GOLGA7: variants seen among roughly 807,000 people sequenced by gnomAD.
The protein encoded by GOLGA7 is golgin subfamily A member 7.
A neutral mutation model predicts 21.1 loss-of-function variants in GOLGA7; 10 were observed. That is an observed-to-expected ratio of 0.47 (90% CI 0.29 to 0.80). The LOEUF (loss-of-function observed/expected upper bound fraction) is 0.80. Among genes scored for constraint, GOLGA7 ranks in the 30% least tolerant of loss-of-function variants. The pLI is 0.08. For missense variants in GOLGA7, 114 were observed against 166.8 expected (o/e 0.68, Z 1.74); for synonymous variants, 64 against 62.6 (o/e 1.02, Z -0.10).
chr8:41,504,168 A>G (rs1401711463), intron 2 of GOLGA7, among the ~76,000 whole-genome samples: 4 of 151,710 alleles, frequency 2.6e-5, no homozygotes, highest in African/African-American at 4.8e-5. Context: ...CTTGCCCAGC[A>G]AAGTTATGCT....
At chr8:41,500,974 T>A (rs1017275467) in intron 2 of GOLGA7, among the ~76,000 whole-genome samples, 1 of 152,236 alleles carries the variant, frequency 6.6e-6, no homozygotes, top group Non-Finnish European at 1.5e-5. Context: ...CTGGAATGAC[T>A]ATTTACAGAA....
intron 1 of GOLGA7, among the ~76,000 whole-genome samples, chr8:41,494,863 A>T (rs892088171): frequency 5.3e-5 from 8 of 152,128 alleles, no homozygotes; most frequent in African/African-American, 1.9e-4. Flanking sequence ...AATGACTACA[A>T]CTGCTTCTAA....
intron 2 of GOLGA7, among the ~76,000 whole-genome samples, chr8:41,504,124 AAAAAAAAAAAAACAAAACAAAAC>A (rs1806219267): frequency 1.8e-5 from 2 of 110,682 alleles, no homozygotes; most frequent in African/African-American, 8.1e-5. Flanking sequence ...GTATAATAAA[AAAAAAAAAAAAACAAAACAAAAC>A]AAAAAAAAAA....
chr8:41,492,337 T>A (rs934480708), intron 1 of GOLGA7, among the ~76,000 whole-genome samples: 1 of 152,216 alleles, frequency 6.6e-6, no homozygotes, highest in Non-Finnish European at 1.5e-5. Context: ...TAATTTAACA[T>A]CACAATTGAT....
In GOLGA7 at chr8:41,510,127, C is replaced by T. The variant is rs1374946381; in HGVS notation, c.*559C>T. On this transcript the variant is annotated 3_prime_UTR_variant, in exon 5 of 5. Coordinates refer to ENST00000357743, the MANE Select transcript of GOLGA7 (RefSeq NM_001002296.2). Reference sequence around the variant, plus strand: ...ACTCAAATCTTAAGATCTGTTTCTACTATTCAGTTCCTCAAACTGAAGCTT... The same window carrying T: ...ACTCAAATCTTAAGATCTGTTTCTATTATTCAGTTCCTCAAACTGAAGCTT... 1 of 152,490 alleles carries T rather than the reference C, an allele frequency of 6.6e-6. No homozygotes were observed. The highest frequency in any genetic ancestry group is 2.4e-5 in the African/African-American group (1 of 41,414). The allele number at this position is 152,490 out of a possible 1,614,324, so 9.4% of individuals were successfully genotyped here.
rs1310929938 is a variant in GOLGA7 at position 41,507,133 on chromosome 8, A to T, written c.*15+12A>T. 1.1e-6 allele frequency: 1 copy of T among 945,464 alleles called. No individual in the cohort carries two copies. Among genetic ancestry groups the T allele is most frequent in the Non-Finnish European group, 1.8e-6 (1 of 568,954 alleles). 58.6% of individuals were successfully genotyped at this position (945,464 alleles called of 1,614,324 possible). A position where few individuals can be genotyped will look rare whatever the true frequency, so the allele number is the denominator to read the frequency against. Reference sequence around the variant, plus strand: ...CCGAAGAATTAAAGGTAAATATGAAATGATATGGCTTGTATGCAGCTTTTG... The same window carrying T: ...CCGAAGAATTAAAGGTAAATATGAATTGATATGGCTTGTATGCAGCTTTTG... On this transcript the variant is annotated intron_variant, in intron 4 of 4. Transcript: ENST00000357743.
At chr8:41,496,022 A>G (rs1282340813) in intron 1 of GOLGA7, among the ~76,000 whole-genome samples, 2 of 152,170 alleles carry the variant, frequency 1.3e-5, no homozygotes, top group Non-Finnish European at 2.9e-5. Context: ...TTAGATTTTG[A>G]AATATTTGTT....
In GOLGA7 at chr8:41,509,259, C is replaced by G. The variant is rs543655024; in HGVS notation, c.*16-325C>G. On this transcript the variant is annotated intron_variant, in intron 4 of 4. Transcript: ENST00000357743. ...CCCTATGAGGTAGATATTGTTATCC[C>G]TGTTTTTCAGATGAGGAAGCCGAGG... 1.4e-4 allele frequency among the ~76,000 whole-genome samples: 22 copies of G among 152,314 alleles called. 1 individual carries two copies. The South Asian group carries it at 4.6e-3, about 32-fold the overall frequency.
chr8:41,502,280 C>T (rs933483146), intron 2 of GOLGA7, among the ~76,000 whole-genome samples: 2 of 152,294 alleles, frequency 1.3e-5, no homozygotes, highest in East Asian at 1.9e-4. Context: ...TTATTTTCTA[C>T]TTACAAAAGG....
At chr8:41,509,489 A>T (rs534947515) in intron 4 of GOLGA7, 95 bp from the exon 5 acceptor site, 44 of 152,644 alleles carry the variant, frequency 2.9e-4, no homozygotes, top group Non-Finnish European at 4.3e-4. Flanking sequence ...CATAGACCAC[A>T]TGTTATAAGC....
In GOLGA7 at chr8:41,490,763, G is replaced by A. The variant is rs961661909; in HGVS notation, c.-92G>A. On this transcript the variant is annotated 5_prime_UTR_variant, in exon 1 of 5. Coordinates refer to ENST00000357743, the MANE Select transcript of GOLGA7 (RefSeq NM_001002296.2). Reference sequence around the variant, plus strand: ...TTTCGGCGGCGGGTGGGGGCGAGGGGCTGGCGGGTCAGAGTCCCGGGTCCA... The same window carrying A: ...TTTCGGCGGCGGGTGGGGGCGAGGGACTGGCGGGTCAGAGTCCCGGGTCCA... 1 of 686,540 alleles carries A rather than the reference G, an allele frequency of 1.5e-6. No individual in the cohort carries two copies. Among genetic ancestry groups the A allele is most frequent in the Non-Finnish European group, 2.6e-6 (1 of 390,138 alleles). The allele number at this position is 686,540 out of a possible 1,614,324, so 42.5% of individuals were successfully genotyped here. A position where few individuals can be genotyped will look rare whatever the true frequency, so the allele number is the denominator to read the frequency against.
chr8:41,494,682 A>G (rs1805964446), intron 1 of GOLGA7, among the ~76,000 whole-genome samples: 1 of 152,190 alleles, frequency 6.6e-6, no homozygotes, highest in Non-Finnish European at 1.5e-5. Context: ...CCCTGCGTTT[A>G]AAGGCCGTCT....
chr8:41,497,052 C>T (rs148562926), intron 1 of GOLGA7, among the ~76,000 whole-genome samples: 2,666 of 151,664 alleles, frequency 0.018, 44 homozygotes, highest in Middle Eastern at 0.071. Flanking sequence ...CCTCGTGATC[C>T]GCCCACCTCA....
At chr8:41,505,781 A>T (rs753138326) in intron 2 of GOLGA7, 130 bp from the exon 3 acceptor site, 36 of 567,112 alleles carry the variant, frequency 6.3e-5, no homozygotes, top group Middle Eastern at 4.3e-4. Context: ...TCACAGCTGT[A>T]TTCCACCATA....
chr8:41,497,726 T>C, intron 2 of GOLGA7, 65 bp downstream of exon 2: 1 of 798,304 alleles, frequency 1.3e-6, no homozygotes, highest in African/African-American at 1.7e-5. Context: ...TTATTACACA[T>C]TGATGCTTAC....
rs144010622 is a variant in GOLGA7 at position 41,500,641 on chromosome 8, G to A, written c.264+2980G>A. On this transcript the variant is annotated intron_variant, in intron 2 of 4. Coordinates refer to ENST00000357743, the MANE Select transcript of GOLGA7 (RefSeq NM_001002296.2). ...GACAGGGTCTCACTGTGTTGTCCACGCTGGTCTCGAACTCCTGGGCTCAAG... is the reference window on the plus strand; with the variant it reads ...GACAGGGTCTCACTGTGTTGTCCACACTGGTCTCGAACTCCTGGGCTCAAG... 2.1e-3 allele frequency among the ~76,000 whole-genome samples: 318 copies of A among 152,290 alleles called. 2 individuals carry two copies. The highest frequency in any genetic ancestry group is 7.3e-3 in the African/African-American group (302 of 41,566).
intron 1 of GOLGA7, among the ~76,000 whole-genome samples, chr8:41,495,015 G>A (rs1805974067): frequency 6.6e-6 from 1 of 151,684 alleles, no homozygotes. Flanking sequence ...GACCAGCCTG[G>A]CAACATGGCA....
intron 2 of GOLGA7, among the ~76,000 whole-genome samples, chr8:41,498,734 G>A (rs902813879): frequency 1.3e-5 from 2 of 152,122 alleles, no homozygotes; most frequent in African/African-American, 4.8e-5. Flanking sequence ...TGTCTTATTT[G>A]CCTTTCAAGT....
chr8:41,490,703 T>G lies in GOLGA7; in HGVS notation c.-152T>G, dbSNP rs1585591093. 4 of 571,270 alleles carry G rather than the reference T, an allele frequency of 7.0e-6. No individual in the cohort carries two copies. The highest frequency in any genetic ancestry group is 6.2e-6 in the Non-Finnish European group (2 of 321,804). 35.4% of individuals were successfully genotyped at this position (571,270 alleles called of 1,614,324 possible). On this transcript the variant is annotated 5_prime_UTR_variant, in exon 1 of 5. Coordinates refer to ENST00000357743, the MANE Select transcript of GOLGA7 (RefSeq NM_001002296.2). ...CTAAGGCCCGCGGTGACAGCATGGG[T>G]GAAGGGGAGCGGGGCAGAGGAGGCC...
Sources: gnomAD v4.1 joint callset for allele counts (sites outside exome capture counted in the v4.1 genomes callset) on GRCh38, gnomAD v4.1.1 for gene constraint, MANE v1.5 for transcripts, NCBI Gene and HGNC (gene_info 2026-07-23, HGNC 2026-07-21) for gene names.